Variants in BTBD9 observed in about 807,000 individuals in gnomAD.
BTBD9 encodes BTB domain containing 9.
BTBD9 carries 49 observed loss-of-function variants against 64.3 expected under a neutral mutation model. The ratio of observed to expected loss-of-function variants is 0.76; its 90% CI spans 0.61 to 0.97. The LOEUF (loss-of-function observed/expected upper bound fraction) is 0.97, where lower values mean the gene tolerates loss of function less well. Ranked by LOEUF, BTBD9 falls within the 50% of genes least tolerant of loss-of-function variation. BTBD9 has a pLI of 0.00. For missense variants in BTBD9, 598 were observed against 762.1 expected (o/e 0.78, Z 2.53); for synonymous variants, 260 against 274.7 (o/e 0.95, Z 0.53).
Position 38,597,925 on chromosome 6 carries a change from C to A in BTBD9, c.170G>T (p.Arg57Met). Residue 57 changes from arginine to methionine, a missense_variant, in exon 2 of 11, where the codon AGG becomes ATG. By Grantham distance (91) the Arg-to-Met change is moderately conservative. Transcript: ENST00000481247. ...ACACACTTACCGAAAATATTGGCACCTGGCTGCTAAAATTACCCTGTGGGC... is the reference window on the plus strand; with the variant it reads ...ACACACTTACCGAAAATATTGGCACATGGCTGCTAAAATTACCCTGTGGGC... Reference protein sequence around the residue: ...FPAHRVILAARCQYFRALLYG... With the variant: ...FPAHRVILAAMCQYFRALLYG... The A allele has an allele frequency of 6.2e-7, 1 of 1,613,764 alleles. No individual in the cohort carries two copies. The highest frequency in any genetic ancestry group is 8.5e-7 in the Non-Finnish European group (1 of 1,179,822).
intron 7 of BTBD9, among the ~76,000 whole-genome samples, 178 bp downstream of exon 7, chr6:38,344,806 T>C (rs892419844): frequency 2.6e-5 from 4 of 152,246 alleles, no homozygotes; most frequent in African/African-American, 4.8e-5. Context: ...TTAAGTTCAT[T>C]GGAATTACTA....
At chr6:38,553,839 C>A (rs148455158) in intron 6 of BTBD9, among the ~76,000 whole-genome samples, 2 of 150,458 alleles carry the variant, frequency 1.3e-5, no homozygotes, top group African/African-American at 4.9e-5. Flanking sequence ...GGTGACAGAG[C>A]GAAACCTTGT....
chr6:38,638,006 G>A (rs556297075), intron 1 of BTBD9, among the ~76,000 whole-genome samples: 1 of 152,148 alleles, frequency 6.6e-6, no homozygotes, highest in Non-Finnish European at 1.5e-5. Context: ...TATAAGAGAC[G>A]TTCCGCTCCA....
intron 6 of BTBD9, among the ~76,000 whole-genome samples, chr6:38,525,904 A>G (rs1293359534): frequency 6.6e-6 from 1 of 152,222 alleles, no homozygotes; most frequent in African/African-American, 2.4e-5. Context: ...TTAAAAGGGA[A>G]TAAGAGTGTA....
intron 7 of BTBD9, among the ~76,000 whole-genome samples, chr6:38,328,136 A>C (rs1763512100): frequency 6.6e-6 from 1 of 152,230 alleles, no homozygotes; most frequent in African/African-American, 2.4e-5. Flanking sequence ...ATATAAATAC[A>C]GGAAAATGTA....
At chr6:38,313,468 A>T (rs554178643) in intron 7 of BTBD9, among the ~76,000 whole-genome samples, 14 of 152,150 alleles carry the variant, frequency 9.2e-5, no homozygotes, top group African/African-American at 3.4e-4. Context: ...CCGATCTTAG[A>T]GGAAATGATT....
At chr6:38,206,051 G>T (rs1055073474) in intron 9 of BTBD9, among the ~76,000 whole-genome samples, 1 of 151,768 alleles carries the variant, frequency 6.6e-6, no homozygotes, top group Non-Finnish European at 1.5e-5. Context: ...GAGGGAAGGC[G>T]GGCAGCTTAT....
At chr6:38,314,179 AATTTTATTTT>A (rs567215224) in intron 7 of BTBD9, among the ~76,000 whole-genome samples, 3 of 151,720 alleles carry the variant, frequency 2.0e-5, no homozygotes, top group African/African-American at 7.3e-5. Flanking sequence ...ATTGACCTGT[AATTTTATTTT>A]ATTTTATTTT....
Position 38,609,461 on chromosome 6 carries a change from C to T in BTBD9, c.-27-11340G>A, listed in dbSNP as rs147065315. 4.2e-3 allele frequency among the ~76,000 whole-genome samples: 633 copies of T among 152,258 alleles called. 9 individuals carry two copies. The highest frequency in any genetic ancestry group is 0.014 in the African/African-American group (600 of 41,558). ...TAATGTTTCAAATTTAATTTTACCA[C>T]CAGACTTCCACAAACCCCCAAGAAT... On this transcript the variant is annotated intron_variant, in intron 1 of 10. Transcript: ENST00000481247.
chr6:38,629,377 T>C (rs982211951), intron 1 of BTBD9, among the ~76,000 whole-genome samples: 14 of 152,268 alleles, frequency 9.2e-5, no homozygotes, highest in African/African-American at 3.4e-4. Context: ...AACTAAGTGA[T>C]CAAAATTAAC....
chr6:38,438,478 C>A lies in BTBD9; in HGVS notation c.1155-93385G>T, dbSNP rs373726263. Among the ~76,000 whole-genome samples the A allele has an allele frequency of 2.0e-5, 3 of 152,060 alleles. No homozygotes were observed. In the East Asian group the frequency reaches 5.8e-4, roughly 29 times the overall value. Reference sequence around the variant, plus strand: ...GAGGCATGGGAGTGATGGGACAGTGCATGAGTTCAGTGGAGGAAGAAATAA... The same window carrying A: ...GAGGCATGGGAGTGATGGGACAGTGAATGAGTTCAGTGGAGGAAGAAATAA... On this transcript the variant is annotated intron_variant, in intron 6 of 10. Coordinates refer to ENST00000481247, the MANE Select transcript of BTBD9 (RefSeq NM_001099272.2).
At chr6:38,565,108 C>A (rs190759681) in intron 6 of BTBD9, among the ~76,000 whole-genome samples, 1 of 152,246 alleles carries the variant, frequency 6.6e-6, no homozygotes, top group East Asian at 1.9e-4. Context: ...CATATTCAAT[C>A]AATCATAAAG....
chr6:38,603,013 CA>C (rs1274115243), intron 1 of BTBD9, among the ~76,000 whole-genome samples: 2 of 152,128 alleles, frequency 1.3e-5, no homozygotes, highest in Admixed American at 1.3e-4. Context: ...TTCCCAGATG[CA>C]AAGTGTTCTT....
At chr6:38,439,289 A>C (rs184161359) in intron 6 of BTBD9, among the ~76,000 whole-genome samples, 15 of 150,954 alleles carry the variant, frequency 9.9e-5, no homozygotes, top group African/African-American at 2.7e-4. Flanking sequence ...ATGCCCAGCT[A>C]ATTTTTTTTT....
intron 3 of BTBD9, 39 bp from the exon 4 acceptor site, chr6:38,592,879 G>T (rs1459398140): frequency 1.2e-5 from 19 of 1,601,030 alleles, no homozygotes; most frequent in Non-Finnish European, 1.6e-5. Flanking sequence ...GTTATATGAA[G>T]TTCAACCACT....
chr6:38,589,126 A>C (rs960216729), intron 4 of BTBD9, among the ~76,000 whole-genome samples: 3 of 152,144 alleles, frequency 2.0e-5, no homozygotes, highest in African/African-American at 7.2e-5. Flanking sequence ...CTCTTCCTTG[A>C]GCTCCCCCTC....
intron 7 of BTBD9, among the ~76,000 whole-genome samples, chr6:38,308,950 C>T (rs955202199): frequency 6.6e-6 from 1 of 151,198 alleles, no homozygotes; most frequent in Non-Finnish European, 1.5e-5. Context: ...TACCACACTA[C>T]GAGTTTAAAG....
chr6:38,620,835 T>G (rs1220575429), intron 1 of BTBD9, among the ~76,000 whole-genome samples: 1 of 152,038 alleles, frequency 6.6e-6, no homozygotes, highest in Non-Finnish European at 1.5e-5. Flanking sequence ...GCCAGGCCAC[T>G]CTATACTCTA....
intron 6 of BTBD9, among the ~76,000 whole-genome samples, chr6:38,406,347 T>TG (rs1176028289): frequency 6.6e-6 from 1 of 152,204 alleles, no homozygotes; most frequent in Non-Finnish European, 1.5e-5. Context: ...TGTGTGTGTG[T>TG]TTTTTTAATC....
Sources: gnomAD v4.1 joint callset for allele counts (sites outside exome capture counted in the v4.1 genomes callset) on GRCh38, gnomAD v4.1.1 for gene constraint, MANE v1.5 for transcripts, NCBI Gene and HGNC (gene_info 2026-07-23, HGNC 2026-07-21) for gene names.